Variants in OXR1 observed in about 807,000 individuals in gnomAD.
OXR1 encodes oxidation resistance 1.
In OXR1, 41 loss-of-function variants were observed where a neutral mutation model predicts 104.6. That is an observed-to-expected ratio of 0.39 (90% CI 0.31 to 0.51). The LOEUF (loss-of-function observed/expected upper bound fraction) is 0.51. Among genes scored for constraint, OXR1 ranks in the 20% least tolerant of loss-of-function variants. The probability of loss-of-function intolerance (pLI) is 0.77; values close to 1 mark genes in which losing one functional copy is unlikely to be tolerated. For missense variants in OXR1, 955 were observed against 1,031.9 expected, an observed-to-expected ratio of 0.93 and a Z score of 1.02; for synonymous variants, 348 against 348.4, an observed-to-expected ratio of 1.00 and a Z score of 0.01.
intron 2 of OXR1, among the ~76,000 whole-genome samples, chr8:106,507,186 T>C (rs937469366): frequency 3.3e-5 from 5 of 152,190 alleles, no homozygotes; most frequent in Non-Finnish European, 7.3e-5. Context: ...TGTTTCAAGA[T>C]AGAGGGAGTG....
At chr8:106,656,555 A>G (rs1350319790) in intron 3 of OXR1, among the ~76,000 whole-genome samples, 1 of 152,204 alleles carries the variant, frequency 6.6e-6, no homozygotes, top group Non-Finnish European at 1.5e-5. Context: ...CAACATCTAC[A>G]AAATAGGTCC....
chr8:106,670,048 C>A (rs1318037807), intron 3 of OXR1, among the ~76,000 whole-genome samples: 1 of 152,014 alleles, frequency 6.6e-6, no homozygotes, highest in Non-Finnish European at 1.5e-5. Context: ...GCTTTTTACC[C>A]CAGGGGTAGT....
chr8:106,726,716 C>T (rs1055074724), intron 11 of OXR1, among the ~76,000 whole-genome samples: 5 of 151,966 alleles, frequency 3.3e-5, no homozygotes, highest in African/African-American at 1.2e-4. Context: ...ATATTGTTTA[C>T]TTAAGGGTAT....
intron 3 of OXR1, among the ~76,000 whole-genome samples, chr8:106,616,999 T>C (rs1821293733): frequency 1.3e-5 from 2 of 152,158 alleles, no homozygotes; most frequent in African/African-American, 4.8e-5. Flanking sequence ...AAAAATGTGA[T>C]GACAGGGAAG....
chr8:106,439,009 A>G (rs1455863364), intron 2 of OXR1, among the ~76,000 whole-genome samples: 2 of 152,132 alleles, frequency 1.3e-5, no homozygotes, highest in East Asian at 3.8e-4. Flanking sequence ...AAAATGATGG[A>G]AAATTATATT....
chr8:106,563,296 C>CAAAAA (rs145929849), intron 3 of OXR1, among the ~76,000 whole-genome samples: 1 of 125,772 alleles, frequency 8.0e-6, no homozygotes, highest in Non-Finnish European at 1.7e-5. Flanking sequence ...AAATGGAAAG[C>CAAAAA]AAAAAAAAAA....
intron 1 of OXR1, among the ~76,000 whole-genome samples, chr8:106,294,355 C>T (rs1299935991): frequency 7.2e-6 from 1 of 138,298 alleles, no homozygotes; most frequent in African/African-American, 2.8e-5. Context: ...CGAGATGCAC[C>T]ATTGCACTCC....
chr8:106,296,788 A>T (rs1813016362), intron 1 of OXR1, among the ~76,000 whole-genome samples: 1 of 152,218 alleles, frequency 6.6e-6, no homozygotes, highest in South Asian at 2.1e-4. Flanking sequence ...GAGAGGAAAG[A>T]TAACACTGGA....
intron 3 of OXR1, among the ~76,000 whole-genome samples, chr8:106,550,321 G>A (rs752357877): frequency 1.6e-4 from 25 of 152,344 alleles, no homozygotes; most frequent in South Asian, 8.3e-4. Context: ...AGAAATCACA[G>A]TGTGTTCACA....
At chr8:106,440,387 T>A (rs1819736483) in intron 2 of OXR1, among the ~76,000 whole-genome samples, 1 of 152,124 alleles carries the variant, frequency 6.6e-6, no homozygotes, top group African/African-American at 2.4e-5. Flanking sequence ...AAATGTGATG[T>A]TTTTTCTATA....
intron 1 of OXR1, among the ~76,000 whole-genome samples, chr8:106,278,547 A>T (rs183799508): frequency 1.3e-5 from 2 of 152,272 alleles, no homozygotes; most frequent in Non-Finnish European, 2.9e-5. Context: ...TACATCATCC[A>T]TTAGGGCTGT....
chr8:106,405,176 A>G (rs1446910738), intron 2 of OXR1, among the ~76,000 whole-genome samples: 3,097 of 31,838 alleles, frequency 0.097, 185 homozygotes, highest in African/African-American at 0.31. Flanking sequence ...ATATATATAT[A>G]TATATATATA....
intron 1 of OXR1, among the ~76,000 whole-genome samples, chr8:106,354,888 T>G (rs1815896596): frequency 6.6e-6 from 1 of 152,110 alleles, no homozygotes; most frequent in Non-Finnish European, 1.5e-5. Flanking sequence ...ATAGTATTTT[T>G]TTTCAGATGG....
intron 3 of OXR1, among the ~76,000 whole-genome samples, chr8:106,634,711 A>G (rs1822988085): frequency 6.6e-6 from 1 of 152,180 alleles, no homozygotes. Flanking sequence ...TAGACTTAAC[A>G]TCATTTACTT....
At chr8:106,639,869 T>A (rs1248140738) in intron 3 of OXR1, among the ~76,000 whole-genome samples, 3 of 152,126 alleles carry the variant, frequency 2.0e-5, no homozygotes, top group Admixed American at 2.0e-4. Context: ...TGTAGACAAG[T>A]ATATTAATGG....
intron 6 of OXR1, among the ~76,000 whole-genome samples, chr8:106,692,375 G>A (rs931623135): frequency 3.2e-4 from 49 of 152,036 alleles, no homozygotes; most frequent in African/African-American, 1.1e-3. Context: ...TAATTCAGGA[G>A]CATCTGAGTG....
intron 2 of OXR1, among the ~76,000 whole-genome samples, chr8:106,402,993 T>C (rs942663849): frequency 1.3e-5 from 2 of 152,082 alleles, no homozygotes; most frequent in African/African-American, 4.8e-5. Flanking sequence ...GCTAAATTTT[T>C]GTATTTTTAG....
At chr8:106,650,856 C>A (rs568438445) in intron 3 of OXR1, among the ~76,000 whole-genome samples, 1 of 152,232 alleles carries the variant, frequency 6.6e-6, no homozygotes, top group East Asian at 1.9e-4. Context: ...TCTCAAGATT[C>A]TTTCATAATC....
In OXR1 at chr8:106,358,964, G is replaced by A. The variant is rs750334055; in HGVS notation, c.-138-512G>A. Among the ~76,000 whole-genome samples the A allele has an allele frequency of 8.4e-4, 127 of 151,830 alleles. 2 individuals carry two copies. The highest frequency in any genetic ancestry group is 1.5e-3 in the Non-Finnish European group (105 of 67,956). On this transcript the variant is annotated intron_variant, in intron 1 of 16. Coordinates refer to ENST00000517566, the MANE Select transcript of OXR1 (RefSeq NM_001198533.2). ...AATTTAATTCACCGTCTTATTTAGC[G>A]AATAATTTAATTCACTAAATTATTT...
Sources: allele counts gnomAD v4.1 joint callset (sites outside exome capture counted in the v4.1 genomes callset), GRCh38; gene constraint gnomAD v4.1.1; transcripts MANE v1.5; gene names NCBI Gene and HGNC (gene_info 2026-07-23, HGNC 2026-07-21).